PHC2: variants seen among roughly 807,000 people sequenced by gnomAD.
The protein encoded by PHC2 is polyhomeotic-like protein 2.
In PHC2, 29 loss-of-function variants were observed where a neutral mutation model predicts 87.4. The ratio of observed to expected loss-of-function variants is 0.33; its 90% CI spans 0.25 to 0.45. The LOEUF is 0.45. Ranked by LOEUF, PHC2 falls within the 20% of genes least tolerant of loss-of-function variation. The pLI is 1.00. For synonymous variants in PHC2, 438 were observed against 461.7 expected (o/e 0.95, Z 0.66); for missense variants, 857 against 1,136.7 (o/e 0.75, Z 3.54).
rs746066371 is a variant in PHC2 at position 33,334,246 on chromosome 1, G to A, written c.1605C>T (p.Pro535=). 2 of 1,611,778 alleles carry A rather than the reference G, an allele frequency of 1.2e-6. No homozygotes were observed. Among genetic ancestry groups the A allele is most frequent in the Admixed American group, 1.7e-5 (1 of 59,012 alleles). The change falls in exon 10 of 15, where the codon CCC becomes CCT. Residue 535 remains proline, a synonymous_variant. Transcript: ENST00000683057. This position sits in a 1 kb window ranked among gnomAD's most constrained non-coding sequence, Gnocchi z 5.5. ...IVHALTDLSS[P]GMTSGNGNSA... is the part of the protein sequence containing the mutation. ...AGTTTCCGTTCCCTGAGGTCATGCC[G>A]GGGCTGCTGAGGTCGGTCAGTGCAT... is the stretch of plus-strand genomic sequence containing the variant.
chr1:33,422,159 T>C (rs1324480), intron 1 of PHC2, among the ~76,000 whole-genome samples: 105,149 of 152,098 alleles, frequency 0.69, 36,753 homozygotes, highest in East Asian at 0.78. Flanking sequence ...CTGAGAAGCT[T>C]CCTCTTACCC....
intron 1 of PHC2, among the ~76,000 whole-genome samples, chr1:33,394,180 G>C (rs1476660958): frequency 6.6e-6 from 1 of 152,076 alleles, no homozygotes; most frequent in Non-Finnish European, 1.5e-5. Context: ...TGAGTAACTT[G>C]CTCAAACTTA....
Position 33,349,300 on chromosome 1 carries a change from C to G in PHC2, c.1558+5101G>C. ...AGGGAAGTCGCAGCGGCGGGGAGGCCGGTCCTAGGTTGGGGCTGGGGTGGG... is the reference window on the plus strand; with the variant it reads ...AGGGAAGTCGCAGCGGCGGGGAGGCGGGTCCTAGGTTGGGGCTGGGGTGGG... On this transcript the variant is annotated intron_variant, in intron 9 of 14. Transcript: ENST00000683057. This position sits in a 1 kb window ranked among gnomAD's most constrained non-coding sequence, Gnocchi z 4.2. The G allele has an allele frequency of 3.1e-6, 3 of 969,114 alleles. No homozygotes were observed. The highest frequency in any genetic ancestry group is 3.7e-6 in the Non-Finnish European group (3 of 817,426). The allele number at this position is 969,114 out of a possible 1,614,324, so 60.0% of individuals were successfully genotyped here.
At chr1:33,326,638 A>G (rs1023232198) in intron 14 of PHC2, among the ~76,000 whole-genome samples, 1 of 152,214 alleles carries the variant, frequency 6.6e-6, no homozygotes, top group African/African-American at 2.4e-5. Flanking sequence ...TATTTTAAGA[A>G]ATACTGAATT....
At chr1:33,365,066 T>C (rs2148313915) in intron 7 of PHC2, among the ~76,000 whole-genome samples, 1 of 152,260 alleles carries the variant, frequency 6.6e-6, no homozygotes, top group South Asian at 2.1e-4. Context: ...TGAAGAACAG[T>C]GTTTGACTCA....
chr1:33,333,879 T>C (rs1292768949), intron 10 of PHC2: 2 of 540,920 alleles, frequency 3.7e-6, no homozygotes, highest in East Asian at 6.6e-5. Context: ...CCAAGGGTCT[T>C]GTCAATTATT....
intron 7 of PHC2, among the ~76,000 whole-genome samples, chr1:33,361,778 CAA>C (rs1557833422): frequency 6.6e-6 from 1 of 152,236 alleles, no homozygotes; most frequent in Non-Finnish European, 1.5e-5. Flanking sequence ...GAAGCCAAAA[CAA>C]GAGGAAGTCT....
At chr1:33,411,330 T>C (rs1040163399) in intron 1 of PHC2, among the ~76,000 whole-genome samples, 7 of 152,188 alleles carry the variant, frequency 4.6e-5, no homozygotes, top group African/African-American at 1.7e-4. Context: ...ATTATATCAT[T>C]AACATTTAGT....
intron 1 of PHC2, among the ~76,000 whole-genome samples, chr1:33,428,615 G>C (rs1439751908): frequency 6.6e-6 from 1 of 152,200 alleles, no homozygotes; most frequent in Non-Finnish European, 1.5e-5. Flanking sequence ...GTAAAAATAG[G>C]CTGGCTAGTT....
chr1:33,356,865 G>A (rs117431782), intron 7 of PHC2, among the ~76,000 whole-genome samples: 14,874 of 151,846 alleles, frequency 0.098, 1,023 homozygotes, highest in East Asian at 0.28. Flanking sequence ...CAGACAGGGC[G>A]GCCAGGCAGA....
rs538628266 is a variant in PHC2 at position 33,368,080 on chromosome 1, A to T, written c.663+456T>A. ...GGGTTCCTTCCCCGGCTGCCCACAG[A>T]ATCTTCCCAGCCACGGTAGTATCTG... On this transcript the variant is annotated intron_variant, in intron 6 of 14. Coordinates refer to ENST00000683057, the MANE Select transcript of PHC2 (RefSeq NM_001385109.1). The surrounding 1 kb of genome is among the most constrained non-coding windows in gnomAD (Gnocchi z 6.6). Among the ~76,000 whole-genome samples the T allele has an allele frequency of 6.6e-6, 1 of 152,112 alleles. No individual in the cohort carries two copies. Among genetic ancestry groups the T allele is most frequent in the Non-Finnish European group, 1.5e-5 (1 of 68,010 alleles).
chr1:33,365,895 G>A (rs181180449), intron 7 of PHC2, among the ~76,000 whole-genome samples: 58 of 152,264 alleles, frequency 3.8e-4, no homozygotes, highest in Non-Finnish European at 6.6e-4. Flanking sequence ...TCACATGCTC[G>A]TGCCGCAAGG....
At chr1:33,413,919 T>C (rs1178583397) in intron 1 of PHC2, among the ~76,000 whole-genome samples, 3 of 152,220 alleles carry the variant, frequency 2.0e-5, no homozygotes, top group Non-Finnish European at 4.4e-5. Context: ...GTTGTGTTTG[T>C]GGTCTACTGA....
intron 1 of PHC2, among the ~76,000 whole-genome samples, chr1:33,419,264 T>TGA (rs1239343408): frequency 6.6e-6 from 1 of 152,102 alleles, no homozygotes; most frequent in Non-Finnish European, 1.5e-5. Context: ...CTAAGCAGTA[T>TGA]GATAAGTGAC....
At position 33,334,065 on chromosome 1, in the gene PHC2, A is replaced by C. The variant is rs1351280462; in HGVS notation, c.1761+25T>G. ...CACATCCAAAATATACTTAAAAAAA[A>C]AAGGGGAAAAGAAGTAGTCCGTACC... is the stretch of plus-strand genomic sequence containing the variant. On this transcript the variant is annotated intron_variant, in intron 10 of 14. Coordinates refer to ENST00000683057, the MANE Select transcript of PHC2 (RefSeq NM_001385109.1). This position sits in a 1 kb window ranked among gnomAD's most constrained non-coding sequence, Gnocchi z 5.5. 2 of 1,568,970 alleles carry C rather than the reference A, an allele frequency of 1.3e-6. No individual in the cohort carries two copies. Among genetic ancestry groups the C allele is most frequent in the East Asian group, 4.5e-5 (2 of 44,688 alleles).
chr1:33,394,292 C>A (rs534436465), intron 1 of PHC2, among the ~76,000 whole-genome samples: 5 of 150,082 alleles, frequency 3.3e-5, no homozygotes, highest in South Asian at 4.2e-4. Context: ...GTCTTTATAG[C>A]AGCAAAAGAA....
At chr1:33,345,133 C>A (rs1250360431) in intron 9 of PHC2, 1 of 152,144 alleles carries the variant, frequency 6.6e-6, no homozygotes, top group Non-Finnish European at 1.5e-5. Flanking sequence ...CATTTTCTTG[C>A]CAACAGTTCC....
At chr1:33,347,265 CA>C in intron 9 of PHC2, 1 of 985,372 alleles carries the variant, frequency 1.0e-6, no homozygotes, top group Non-Finnish European at 1.2e-6. Context: ...GGAAGCAGCA[CA>C]GTGCCTTCCT....
At chr1:33,354,314 A>C (rs1647027133) in intron 9 of PHC2, 87 bp downstream of exon 9, 1 of 1,298,504 alleles carries the variant, frequency 7.7e-7, no homozygotes, top group South Asian at 1.4e-5. Flanking sequence ...TTACCCTCCC[A>C]TTCCAGATGC....
Sources: allele counts gnomAD v4.1 joint callset (sites outside exome capture counted in the v4.1 genomes callset), GRCh38; gene constraint gnomAD v4.1.1; non-coding constraint Gnocchi (gnomAD v3.1); transcripts MANE v1.5; gene names NCBI Gene and HGNC (gene_info 2026-07-23, HGNC 2026-07-21).